Variants in EHD3 observed in about 807,000 individuals in gnomAD.
The protein encoded by EHD3 is EH domain-containing protein 3.
A neutral mutation model predicts 43.0 loss-of-function variants in EHD3; 17 were observed. That is an observed-to-expected ratio of 0.40 (90% CI 0.27 to 0.59). EHD3 has a LOEUF of 0.59. Among genes scored for constraint, EHD3 ranks in the 20% least tolerant of loss-of-function variants. The pLI is 0.49. For synonymous variants in EHD3, 313 were observed against 289.5 expected (o/e 1.08, Z -0.82); for missense variants, 594 against 705.6 (o/e 0.84, Z 1.79).
Position 31,234,391 on chromosome 2 carries a change from C to A in EHD3, c.-231C>A, listed in dbSNP as rs1683282499. The A allele has an allele frequency of 3.6e-6, 2 of 562,234 alleles. No homozygotes were observed. Among genetic ancestry groups the A allele is most frequent in the Middle Eastern group, 4.8e-4 (1 of 2,094 alleles). 34.8% of individuals were successfully genotyped at this position (562,234 alleles called of 1,614,324 possible). On this transcript the variant is annotated 5_prime_UTR_variant, in exon 1 of 6. Coordinates refer to ENST00000322054, the MANE Select transcript of EHD3 (RefSeq NM_014600.3). ...TCCTCAAGCCCAGATTATTTATCCT[C>A]CCTCCGGCCTGGGCTGCTGGATGCA...
chr2:31,241,493 T>C (rs1390733016), intron 1 of EHD3, among the ~76,000 whole-genome samples: 1 of 152,234 alleles, frequency 6.6e-6, no homozygotes, highest in Non-Finnish European at 1.5e-5. Context: ...ATGCTTAACT[T>C]CTGCAATGAA....
chr2:31,244,379 G>A lies in EHD3; in HGVS notation c.333G>A (p.Gly111=). 6.2e-7 allele frequency: 1 copy of A among 1,614,220 alleles called. No homozygotes were observed. Among genetic ancestry groups the A allele is most frequent in the Non-Finnish European group, 8.5e-7 (1 of 1,180,026 alleles). ...MQGDMEGIIP[G]NALVVDPKKP... is the part of the protein sequence containing the mutation. The stretch of plus-strand genomic sequence containing the variant: ...GAGACATGGAGGGGATCATCCCTGG[G>A]AACGCCCTGGTGGTGGATCCCAAGA... Residue 111 remains glycine, a synonymous_variant, in exon 2 of 6, where the codon GGG becomes GGA. Coordinates refer to ENST00000322054, the MANE Select transcript of EHD3 (RefSeq NM_014600.3).
At chr2:31,249,274 C>A in intron 2 of EHD3, 97 bp from the exon 3 acceptor site, 1 of 1,089,578 alleles carries the variant, frequency 9.2e-7, no homozygotes, top group Non-Finnish European at 1.4e-6. Context: ...GATGCACCTG[C>A]AGCTCACCTG....
In EHD3 at chr2:31,261,666, G is replaced by A. The variant is rs368753169; in HGVS notation, c.1033G>A (p.Glu345Lys). 3.7e-6 allele frequency: 6 copies of A among 1,614,092 alleles called. No individual in the cohort carries two copies. Among genetic ancestry groups the A allele is most frequent in the Non-Finnish European group, 5.1e-6 (6 of 1,180,030 alleles). The change falls in exon 5 of 6, where the codon GAG becomes AAG. Residue 345 changes from glutamate to lysine, a missense_variant. Glu to Lys is a moderately conservative substitution (Grantham distance 56). Coordinates refer to ENST00000322054, the MANE Select transcript of EHD3 (RefSeq NM_014600.3). The stretch of plus-strand genomic sequence containing the variant: ...CGAGATCTATGGCCGGATCGAGCGG[G>A]AGCACCAGATCTCACCTGGGGACTT... ...LAEIYGRIER[E>K]HQISPGDFPN...
At position 31,260,263 on chromosome 2, in the gene EHD3, A is replaced by G. The variant is rs1683826321; in HGVS notation, c.503-247A>G. On this transcript the variant is annotated intron_variant, in intron 3 of 5. Transcript: ENST00000322054. The surrounding 1 kb of genome is among the most constrained non-coding windows in gnomAD (Gnocchi z 4.6). ...AAGTGCCGGATTCTAAGAGTATTTA[A>G]TCTTCATAGTTCTATTAACTAGGTA... 6.6e-6 allele frequency among the ~76,000 whole-genome samples: 1 copy of G among 152,200 alleles called. No homozygotes were observed. Among genetic ancestry groups the G allele is most frequent in the Non-Finnish European group, 1.5e-5 (1 of 68,044 alleles).
chr2:31,259,102 T>G (rs1683802240), intron 3 of EHD3, among the ~76,000 whole-genome samples: 1 of 152,158 alleles, frequency 6.6e-6, no homozygotes, highest in Non-Finnish European at 1.5e-5. Flanking sequence ...GTCCCCAGTG[T>G]GTGTCACCTT....
chr2:31,264,348 C>G (rs773366359), intron 5 of EHD3, among the ~76,000 whole-genome samples: 1 of 152,052 alleles, frequency 6.6e-6, no homozygotes, highest in Non-Finnish European at 1.5e-5. Flanking sequence ...ATGAATGGAG[C>G]TTGCAGAACT....
chr2:31,244,295 C>T lies in EHD3; in HGVS notation c.249C>T (p.Phe83=). The T allele has an allele frequency of 6.2e-7, 1 of 1,613,928 alleles. No homozygotes were observed. The highest frequency in any genetic ancestry group is 1.1e-5 in the South Asian group (1 of 91,050). ...CTAGGTACCTGCTGGAACAGGACTT[C>T]CCAGGCATGAGGATTGGGCCTGAGC... ...TFIRYLLEQD[F]PGMRIGPEPT... is the part of the protein sequence containing the mutation. The change falls in exon 2 of 6, where the codon TTC becomes TTT. Residue 83 remains phenylalanine (F), a synonymous_variant. Transcript: ENST00000322054.
chr2:31,241,207 C>T (rs534805091), intron 1 of EHD3, among the ~76,000 whole-genome samples: 1 of 152,326 alleles, frequency 6.6e-6, no homozygotes, highest in African/African-American at 2.4e-5. Flanking sequence ...CCTGGCCCTG[C>T]CTGCCTCCTG....
intron 2 of EHD3, among the ~76,000 whole-genome samples, chr2:31,246,243 A>C (rs1683524044): frequency 6.6e-6 from 1 of 152,164 alleles, no homozygotes; most frequent in Non-Finnish European, 1.5e-5. Context: ...CTGGATGCCC[A>C]AAATGCTAAA....
Position 31,260,473 on chromosome 2 carries a change from C to T in EHD3, c.503-37C>T, listed in dbSNP as rs1285605584. On this transcript the variant is annotated intron_variant, in intron 3 of 5. Transcript: ENST00000322054. The surrounding 1 kb of genome is among the most constrained non-coding windows in gnomAD (Gnocchi z 4.6). ...TTCTCCAAACCCCTACCCTATACCC[C>T]AAAGGCCCCAGCCCCTGATTGTCCC... is the stretch of plus-strand genomic sequence containing the variant. 1.0e-5 allele frequency: 16 copies of T among 1,560,586 alleles called. No homozygotes were observed. The highest frequency in any genetic ancestry group is 1.8e-4 in the Middle Eastern group (1 of 5,682).
intron 1 of EHD3, among the ~76,000 whole-genome samples, chr2:31,236,681 A>T (rs1161236795): frequency 1.3e-5 from 2 of 152,180 alleles, no homozygotes; most frequent in Non-Finnish European, 2.9e-5. Flanking sequence ...TTCATACATT[A>T]TCTGTAGCTT....
Position 31,266,432 on chromosome 2 carries a change from C to T in EHD3, c.1336C>T (p.Pro446Ser). 1 of 1,613,856 alleles carries T rather than the reference C, an allele frequency of 6.2e-7. No individual in the cohort carries two copies. The highest frequency in any genetic ancestry group is 2.2e-5 in the East Asian group (1 of 44,850). The change falls in exon 6 of 6, where the codon CCC (proline) becomes TCC (serine). Residue 446 changes from proline to serine, a missense_variant. Around this residue, in one of 3 missense-constraint regions of EHD3, gnomAD observed 322 missense variants for 348.0 expected, o/e 0.93. Transcript: ENST00000322054. The surrounding 1 kb of genome is among the most constrained non-coding windows in gnomAD (Gnocchi z 5.1). The part of the protein sequence containing the change: ...DAEWVVARDK[P>S]MYDEIFYTLS... ...TGAGTGGGTGGTGGCCAGGGACAAG[C>T]CCATGTACGACGAGATCTTCTACAC...
rs755285979 is a variant in EHD3, at chr2:31,260,693, T to C, written c.686T>C (p.Leu229Pro). Residue 229 changes from leucine to proline, a missense_variant, in exon 4 of 6, where the codon CTG (leucine) becomes CCG (proline). Transcript: ENST00000322054. The surrounding 1 kb of genome is among the most constrained non-coding windows in gnomAD (Gnocchi z 4.6). The stretch of plus-strand genomic sequence containing the variant: ...GCTGACCAGATCGAGACGCAGCAGC[T>C]GATGCGGGTGTACGGGGCCCTCATG... Reference protein sequence around the residue: ...NKADQIETQQLMRVYGALMWS... With the variant: ...NKADQIETQQPMRVYGALMWS... 1 of 1,614,218 alleles carries C rather than the reference T, an allele frequency of 6.2e-7. No individual in the cohort carries two copies. Among genetic ancestry groups the C allele is most frequent in the Non-Finnish European group, 8.5e-7 (1 of 1,180,030 alleles).
In EHD3 at chr2:31,234,798, C is replaced by G; in HGVS notation, c.177C>G (p.Pro59=). The change falls in exon 1 of 6, where the codon CCC becomes CCG. Residue 59 remains proline, a synonymous_variant. Transcript: ENST00000322054. The part of the protein sequence containing the change: ...ALEDADFDNK[P]MVLLVGQYST... Reference sequence around the variant, plus strand: ...AGGATGCCGACTTCGACAACAAGCCCATGGTTCTGCTGGTGGGCCAGTACT... The same window carrying G: ...AGGATGCCGACTTCGACAACAAGCCGATGGTTCTGCTGGTGGGCCAGTACT... The G allele has an allele frequency of 6.2e-7, 1 of 1,614,202 alleles. No homozygotes were observed. The highest frequency in any genetic ancestry group is 8.5e-7 in the Non-Finnish European group (1 of 1,180,032).
At position 31,268,208 on chromosome 2, in the gene EHD3, C is replaced by T. The variant is rs1441753279; in HGVS notation, c.*1504C>T. ...CTGTGGTCTCTCCCCTGGCTTGCTTCATGGCCACTGAACCAATCACTTTGT... is the reference window on the plus strand; with the variant it reads ...CTGTGGTCTCTCCCCTGGCTTGCTTTATGGCCACTGAACCAATCACTTTGT... On this transcript the variant is annotated 3_prime_UTR_variant, in exon 6 of 6. Coordinates refer to ENST00000322054, the MANE Select transcript of EHD3 (RefSeq NM_014600.3). 1 of 152,682 alleles carries T rather than the reference C, an allele frequency of 6.5e-6. No individual in the cohort carries two copies. Among genetic ancestry groups the T allele is most frequent in the Non-Finnish European group, 1.5e-5 (1 of 68,076 alleles). The allele number at this position is 152,682 out of a possible 1,614,324, so 9.5% of individuals were successfully genotyped here.
chr2:31,249,332 G>T (rs748990971), intron 2 of EHD3, 39 bp from the exon 3 acceptor site: 1 of 1,561,446 alleles, frequency 6.4e-7, no homozygotes, highest in Admixed American at 1.7e-5. Context: ...GTCATGAAAG[G>T]TGGGCGAGTA....
chr2:31,262,640 A>G (rs1366094803), intron 5 of EHD3, among the ~76,000 whole-genome samples: 1 of 152,256 alleles, frequency 6.6e-6, no homozygotes, highest in Non-Finnish European at 1.5e-5. Flanking sequence ...ATTAGAGGCC[A>G]GGCACAGTGG....
At chr2:31,248,878 T>G (rs966022500) in intron 2 of EHD3, among the ~76,000 whole-genome samples, 1 of 152,138 alleles carries the variant, frequency 6.6e-6, no homozygotes, top group African/African-American at 2.4e-5. Flanking sequence ...GACAGACCCT[T>G]GAAGTCCCTC....
Sources: allele counts gnomAD v4.1 joint callset (sites outside exome capture counted in the v4.1 genomes callset), GRCh38; gene constraint gnomAD v4.1.1; regional missense constraint gnomAD v4.1.1; non-coding constraint Gnocchi (gnomAD v3.1); transcripts MANE v1.5; gene names NCBI Gene and HGNC (gene_info 2026-07-23, HGNC 2026-07-21).